The following HDAC9 variants were observed in gnomAD, a reference collection of about 807,000 sequenced individuals.
HDAC9 encodes histone deacetylase 9.
Under a neutral mutation model 139.4 loss-of-function variants are expected in HDAC9, and 41 were observed. That is an observed-to-expected ratio of 0.29 (90% CI 0.23 to 0.38). HDAC9 has a LOEUF of 0.38. Ranked by LOEUF, HDAC9 falls within the 10% of genes least tolerant of loss-of-function variation. The probability of loss-of-function intolerance (pLI) is 1.00; values close to 1 mark genes in which losing one functional copy is unlikely to be tolerated. For missense variants in HDAC9, 1,147 were observed against 1,297.0 expected, an observed-to-expected ratio of 0.88 and a Z score of 1.78; for synonymous variants, 517 against 476.2, an observed-to-expected ratio of 1.09 and a Z score of -1.12.
intron 1 of HDAC9, among the ~76,000 whole-genome samples, chr7:18,337,872 T>C (rs1180869011): frequency 6.6e-6 from 1 of 151,740 alleles, no homozygotes; most frequent in Non-Finnish European, 1.5e-5. Context: ...CTGTGAATGA[T>C]GGATAAATCG....
At chr7:18,794,684 G>T (rs1792628073) in intron 17 of HDAC9, among the ~76,000 whole-genome samples, 1 of 152,168 alleles carries the variant, frequency 6.6e-6, no homozygotes, top group South Asian at 2.1e-4. Context: ...GAGAGGTTTT[G>T]GCTATCTCCC....
At chr7:18,207,094 TG>T (rs1376498887) in intron 2 of HDAC9, among the ~76,000 whole-genome samples, 1 of 151,946 alleles carries the variant, frequency 6.6e-6, no homozygotes, top group African/African-American at 2.4e-5. Flanking sequence ...TTTGTTTGTT[TG>T]GTTTGTTTTT....
chr7:18,456,932 C>T (rs1432983786), intron 1 of HDAC9, among the ~76,000 whole-genome samples: 1 of 152,132 alleles, frequency 6.6e-6, no homozygotes, highest in African/African-American at 2.4e-5. Context: ...GAAGTAGAAC[C>T]AGCTTTATAT....
chr7:18,733,386 G>C (rs1347574691), intron 13 of HDAC9, among the ~76,000 whole-genome samples: 2 of 150,312 alleles, frequency 1.3e-5, no homozygotes, highest in Non-Finnish European at 3.0e-5. Context: ...AGTAGCTTCT[G>C]TTATTACTCA....
rs545626248 is a variant in HDAC9, at chr7:18,974,495, C to T, written c.3023-1311C>T. Among the ~76,000 whole-genome samples the T allele has an allele frequency of 1.1e-4, 17 of 152,264 alleles. No homozygotes were observed. In the South Asian group the frequency reaches 3.3e-3, roughly 30 times the overall value. ...TTTGTGTCCTCGACATGTGGAAAAG[C>T]CTTAGCTTCTACAAAATGTTAGTTT... On this transcript the variant is annotated intron_variant, in intron 24 of 25. Coordinates refer to ENST00000686413, the MANE Select transcript of HDAC9 (RefSeq NM_178425.4).
intron 16 of HDAC9, among the ~76,000 whole-genome samples, chr7:18,775,087 G>A (rs900265712): frequency 6.6e-5 from 10 of 152,040 alleles, no homozygotes; most frequent in East Asian, 1.9e-4. Flanking sequence ...AAGACTGATC[G>A]GTGGAGCAGA....
chr7:18,445,887 A>G (rs1377383252), intron 1 of HDAC9, among the ~76,000 whole-genome samples: 2 of 152,226 alleles, frequency 1.3e-5, no homozygotes, highest in Non-Finnish European at 2.9e-5. Context: ...GAAGACTTCT[A>G]TTTAACCTTT....
intron 16 of HDAC9, among the ~76,000 whole-genome samples, chr7:18,782,381 T>C (rs1028909756): frequency 2.6e-5 from 4 of 152,106 alleles, no homozygotes; most frequent in African/African-American, 7.2e-5. Flanking sequence ...AAATTCCTTT[T>C]CTTTTAAGTC....
rs1404489545 is a variant in HDAC9, at chr7:18,237,317, G to A, written c.25+74968G>A. On this transcript the variant is annotated intron_variant, in intron 2 of 12. Transcript: ENST00000417496. ...TATCTAGTCACATGTAACTGACATA[G>A]TAATTTAATAAATTACCAACTGCAA... 5.3e-5 allele frequency among the ~76,000 whole-genome samples: 8 copies of A among 152,210 alleles called. 1 individual carries two copies. Among genetic ancestry groups the A allele is most frequent in the South Asian group, 4.1e-4 (2 of 4,834 alleles).
intron 21 of HDAC9, among the ~76,000 whole-genome samples, chr7:18,869,147 GGTGTGTGTGTGTGTGTGTGTGTGT>G (rs58034239): frequency 5.1e-5 from 7 of 138,224 alleles, no homozygotes; most frequent in Non-Finnish European, 1.6e-5. Context: ...TCACAATTGG[GGTGTGTGTGTGTGTGTGTGTGTGT>G]GTGTGTGTGT....
At chr7:18,802,458 G>A (rs1230356594) in intron 17 of HDAC9, among the ~76,000 whole-genome samples, 1 of 151,832 alleles carries the variant, frequency 6.6e-6, no homozygotes, top group Non-Finnish European at 1.5e-5. Flanking sequence ...TTCTTTGTGT[G>A]CTTAAATAGA....
chr7:18,963,153 G>A (rs1783632159), intron 24 of HDAC9, among the ~76,000 whole-genome samples: 1 of 152,130 alleles, frequency 6.6e-6, no homozygotes, highest in Non-Finnish European at 1.5e-5. Flanking sequence ...TCAGCAAATA[G>A]GAGAGGGGAA....
At chr7:18,295,118 T>C (rs764756340) in intron 1 of HDAC9, among the ~76,000 whole-genome samples, 1 of 151,994 alleles carries the variant, frequency 6.6e-6, no homozygotes, top group Non-Finnish European at 1.5e-5. Flanking sequence ...TGGAAATAGA[T>C]GTGATCACTC....
intron 1 of HDAC9, among the ~76,000 whole-genome samples, chr7:18,466,323 A>G (rs1450350581): frequency 1.3e-5 from 2 of 152,038 alleles, no homozygotes; most frequent in Non-Finnish European, 2.9e-5. Context: ...CAGTCTCCCA[A>G]GTAGCTGGGA....
intron 21 of HDAC9, among the ~76,000 whole-genome samples, chr7:18,843,065 C>A (rs1796688807): frequency 6.6e-6 from 1 of 152,010 alleles, no homozygotes; most frequent in Non-Finnish European, 1.5e-5. Flanking sequence ...TTTTCTCTGC[C>A]TTAAAATGGT....
At chr7:18,920,012 G>T (rs986930645) in intron 22 of HDAC9, among the ~76,000 whole-genome samples, 11 of 151,994 alleles carry the variant, frequency 7.2e-5, no homozygotes, top group Admixed American at 6.6e-4. Flanking sequence ...ACTTTAACGT[G>T]GTTTTTTCCA....
intron 2 of HDAC9, among the ~76,000 whole-genome samples, chr7:18,229,066 G>A (rs149396383): frequency 6.6e-5 from 10 of 152,210 alleles, no homozygotes; most frequent in East Asian, 3.9e-4. Context: ...AAAAGATCTC[G>A]GAAGGGGCCT....
chr7:18,273,056 G>GTTTTTTTTTTTTTT (rs746089054), intron 2 of HDAC9, among the ~76,000 whole-genome samples: 2 of 84,784 alleles, frequency 2.4e-5, no homozygotes, highest in African/African-American at 1.2e-4. Flanking sequence ...CCCCTTCTTC[G>GTTTTTTTTTTTTTT]TTTTTTTTTT....
At chr7:18,785,174 G>C (rs776035208) in intron 16 of HDAC9, among the ~76,000 whole-genome samples, 14 of 152,028 alleles carry the variant, frequency 9.2e-5, no homozygotes, top group Non-Finnish European at 1.6e-4. Flanking sequence ...AGTTTTTACT[G>C]GTTCTGTCAC....
Sources: allele counts gnomAD v4.1 joint callset (sites outside exome capture counted in the v4.1 genomes callset), GRCh38; gene constraint gnomAD v4.1.1; transcripts MANE v1.5; gene names NCBI Gene and HGNC (gene_info 2026-07-23, HGNC 2026-07-21).